MRGPRX3: variants seen among roughly 807,000 people sequenced by gnomAD.
The protein encoded by MRGPRX3 is MAS related GPR family member X3.
In MRGPRX3, 14 loss-of-function variants were observed where a neutral mutation model predicts 16.5. The observed-to-expected ratio is 0.85, with a 90% CI of 0.56 to 1.33. MRGPRX3 has a LOEUF of 1.33. MRGPRX3 is among the 40% of genes most tolerant of loss of function. MRGPRX3 has a pLI of 0.00. For synonymous variants in MRGPRX3, 199 were observed against 180.1 expected (o/e 1.10, Z -0.84); for missense variants, 449 against 413.0 (o/e 1.09, Z -0.76).
chr11:18,124,437 T>C lies in MRGPRX3; in HGVS notation c.-152+3273T>C, dbSNP rs534199723. On this transcript the variant is annotated intron_variant, in intron 1 of 2. Coordinates refer to the MRGPRX3 transcript ENST00000396275. ...TGTCAAAGGCCTTTTCTGCATCTAT[T>C]GAGATAATCATGTGGTTTTTGTCTT... is the stretch of plus-strand genomic sequence containing the variant. Among the ~76,000 whole-genome samples the C allele has an allele frequency of 9.8e-5, 15 of 152,336 alleles. No homozygotes were observed. In the East Asian group the frequency reaches 1.2e-3, roughly 12 times the overall value.
upstream of MRGPRX3, among the ~76,000 whole-genome samples, chr11:18,130,321 T>C (rs1383081380): frequency 6.6e-6 from 1 of 152,120 alleles, no homozygotes; most frequent in Non-Finnish European, 1.5e-5. Context: ...GATACATAAA[T>C]TCAGTAAAGT....
chr11:18,123,062 A>G (rs981421756), intron 1 of MRGPRX3, among the ~76,000 whole-genome samples: 3 of 151,812 alleles, frequency 2.0e-5, no homozygotes, highest in African/African-American at 4.8e-5. Context: ...AATTTGTTGG[A>G]GTTCATTGTA....
upstream of MRGPRX3, among the ~76,000 whole-genome samples, chr11:18,129,025 C>G (rs1374348113): frequency 6.6e-6 from 1 of 152,172 alleles, no homozygotes; most frequent in Admixed American, 6.5e-5. Flanking sequence ...ATCAAAACCT[C>G]TGAAATACAG....
chr11:18,123,761 C>G (rs1377162167), intron 1 of MRGPRX3, among the ~76,000 whole-genome samples: 3 of 152,172 alleles, frequency 2.0e-5, no homozygotes, highest in Admixed American at 2.0e-4. Context: ...GGCATTGAAT[C>G]TATAAATTAC....
chr11:18,137,656 C>T lies in MRGPRX3; in HGVS notation c.454C>T (p.Leu152=). Reference sequence around the variant, plus strand: ...TGTCCTGCTCTGGGCCCTGTCCCTGCTGCGGAGTATCCTGGAGTGGATGTT... The same window carrying T: ...TGTCCTGCTCTGGGCCCTGTCCCTGTTGCGGAGTATCCTGGAGTGGATGTT... The part of the protein sequence containing the change: ...MCVLLWALSL[L]RSILEWMFCD... Residue 152 remains leucine, a synonymous_variant, in exon 2 of 2, where the codon CTG becomes TTG. Coordinates refer to ENST00000621697, the MANE Select transcript of MRGPRX3 (RefSeq NM_001370464.1). The T allele has an allele frequency of 1.2e-6, 2 of 1,614,156 alleles. No individual in the cohort carries two copies. Among genetic ancestry groups the T allele is most frequent in the Non-Finnish European group, 1.7e-6 (2 of 1,180,018 alleles).
Position 18,137,812 on chromosome 11 carries a change from T to C in MRGPRX3, c.610T>C (p.Cys204Arg). The C allele has an allele frequency of 6.2e-7, 1 of 1,614,258 alleles. No individual in the cohort carries two copies. Residue 204 changes from cysteine (C) to arginine (R), a missense_variant, in exon 2 of 2, where the codon TGT (cysteine) becomes CGT (arginine). Cys to Arg is a radical substitution (Grantham distance 180). Transcript: ENST00000621697. ...CCTGGTCCTGCTGGTCAGGATTCTC[T>C]GTGGATCCCGGAAGATGCCGCTGAC... ...SSLVLLVRIL[C>R]GSRKMPLTRL...
chr11:18,125,339 TCC>T (rs1483303630), intron 1 of MRGPRX3, among the ~76,000 whole-genome samples: 1 of 152,194 alleles, frequency 6.6e-6, no homozygotes, highest in Non-Finnish European at 1.5e-5. Flanking sequence ...GCTATAAATT[TCC>T]CTCTACACAC....
chr11:18,135,028 A>G (rs1261670780), intron 1 of MRGPRX3, among the ~76,000 whole-genome samples: 2 of 152,182 alleles, frequency 1.3e-5, no homozygotes, highest in East Asian at 3.9e-4. Flanking sequence ...AACTCCTCAG[A>G]AATAATAAAT....
chr11:18,137,076 G>A (rs1849013363), intron 1 of MRGPRX3, 102 bp from the exon 2 acceptor site: 8 of 1,239,254 alleles, frequency 6.5e-6, no homozygotes, highest in Non-Finnish European at 7.9e-6. Context: ...GCGAGTCTCT[G>A]ATCTCTCCTC....
chr11:18,124,853 C>T (rs1848875556), intron 1 of MRGPRX3, among the ~76,000 whole-genome samples: 2 of 152,264 alleles, frequency 1.3e-5, no homozygotes, highest in Admixed American at 6.5e-5. Flanking sequence ...TTAATTATTA[C>T]CTCAATTTCA....
At position 18,137,523 on chromosome 11, in the gene MRGPRX3, T is replaced by C. The variant is rs769672343; in HGVS notation, c.321T>C (p.Phe107=). The change falls in exon 2 of 2, where the codon TTT becomes TTC. Residue 107 remains phenylalanine, a synonymous_variant. Transcript: ENST00000621697. The part of the protein sequence containing the change: ...ILSPVMTFPY[F]IGLSMLSAIS... ...GTCCTGTGATGACCTTTCCCTACTT[T>C]ATAGGCCTAAGCATGCTGAGCGCCA... is the stretch of plus-strand genomic sequence containing the variant. 13 of 1,613,968 alleles carry C rather than the reference T, an allele frequency of 8.1e-6. No individual in the cohort carries two copies. The highest frequency in any genetic ancestry group is 6.7e-5 in the East Asian group (3 of 44,888).
intron 1 of MRGPRX3, among the ~76,000 whole-genome samples, chr11:18,121,410 G>A (rs1848834444): frequency 6.6e-6 from 1 of 152,126 alleles, no homozygotes; most frequent in African/African-American, 2.4e-5. Context: ...TGGGAAGTGA[G>A]GAGCCCCTCT....
At chr11:18,129,648 T>A (rs1488425225), upstream of MRGPRX3, among the ~76,000 whole-genome samples, 2 of 151,992 alleles carry the variant, frequency 1.3e-5, no homozygotes, top group Non-Finnish European at 2.9e-5. Context: ...AGCTATTCCA[T>A]AAAGAAAGAG....
upstream of MRGPRX3, among the ~76,000 whole-genome samples, chr11:18,131,230 T>C (rs1380355170): frequency 6.6e-6 from 1 of 152,086 alleles, no homozygotes; most frequent in African/African-American, 2.4e-5. Flanking sequence ...AAACAATCAT[T>C]AGCAGAGCAA....
At chr11:18,123,592 C>T (rs963645479) in intron 1 of MRGPRX3, among the ~76,000 whole-genome samples, 2 of 152,090 alleles carry the variant, frequency 1.3e-5, no homozygotes, top group African/African-American at 2.4e-5. Flanking sequence ...TTACTGTAGC[C>T]TTGTAGTATA....
intron 1 of MRGPRX3, among the ~76,000 whole-genome samples, chr11:18,122,383 T>C (rs1848849114): frequency 6.6e-6 from 1 of 152,212 alleles, no homozygotes; most frequent in Non-Finnish European, 1.5e-5. Flanking sequence ...TTCCCTGCCC[T>C]GTGTCCAAGT....
At chr11:18,126,379 C>A (rs2134080385) in intron 1 of MRGPRX3, among the ~76,000 whole-genome samples, 2 of 152,242 alleles carry the variant, frequency 1.3e-5, no homozygotes, top group South Asian at 4.2e-4. Flanking sequence ...TCTTTTAGGG[C>A]AGTCCTGGTG....
chr11:18,130,240 T>C (rs1334509287), upstream of MRGPRX3, among the ~76,000 whole-genome samples: 1 of 152,136 alleles, frequency 6.6e-6, no homozygotes, highest in Admixed American at 6.5e-5. Flanking sequence ...AGTCAAACTG[T>C]CCCTGTTCAC....
chr11:18,127,019 G>T (rs1342396633), intron 1 of MRGPRX3, among the ~76,000 whole-genome samples: 5 of 152,188 alleles, frequency 3.3e-5, no homozygotes, highest in African/African-American at 1.2e-4. Context: ...TAATGAGATG[G>T]CTGGGCCAAA....
Sources: gnomAD v4.1 joint callset for allele counts (sites outside exome capture counted in the v4.1 genomes callset) on GRCh38, gnomAD v4.1.1 for gene constraint, MANE v1.5 for transcripts, NCBI Gene and HGNC (gene_info 2026-07-23, HGNC 2026-07-21) for gene names.